RIMS2: variants seen among roughly 807,000 people sequenced by gnomAD.
The protein encoded by RIMS2 is regulating synaptic membrane exocytosis 2.
RIMS2 carries 59 observed loss-of-function variants against 174.4 expected under a neutral mutation model. The ratio of observed to expected loss-of-function variants is 0.34; its 90% CI spans 0.27 to 0.42. The LOEUF is 0.42. Among genes scored for constraint, RIMS2 ranks in the 10% least tolerant of loss-of-function variants. The probability of loss-of-function intolerance (pLI) is 1.00; values close to 1 mark genes in which losing one functional copy is unlikely to be tolerated. For missense variants in RIMS2, 1,620 were observed against 1,666.3 expected (o/e 0.97, Z 0.48); for synonymous variants, 606 against 572.5 (o/e 1.06, Z -0.84).
chr8:103,742,263 C>T (rs1452616167), intron 2 of RIMS2, among the ~76,000 whole-genome samples: 1 of 152,048 alleles, frequency 6.6e-6, no homozygotes, highest in African/African-American at 2.4e-5. Flanking sequence ...ACCAAAACAA[C>T]CTAAATGTGA....
At chr8:103,622,183 G>A (rs1477456849) in intron 1 of RIMS2, among the ~76,000 whole-genome samples, 4 of 152,072 alleles carry the variant, frequency 2.6e-5, no homozygotes, top group Non-Finnish European at 5.9e-5. Context: ...TTTTGCTATA[G>A]TGGATTATAA....
intron 1 of RIMS2, among the ~76,000 whole-genome samples, chr8:103,569,559 T>C (rs1288019009): frequency 2.0e-5 from 3 of 152,174 alleles, no homozygotes; most frequent in Admixed American, 1.3e-4. Context: ...TAGTTTTCAG[T>C]ATACAAATCT....
intron 19 of RIMS2, among the ~76,000 whole-genome samples, chr8:104,070,151 A>G (rs1356808790): frequency 1.3e-5 from 2 of 152,238 alleles, no homozygotes; most frequent in Non-Finnish European, 2.9e-5. Flanking sequence ...AGGTATGTAC[A>G]TATGTACCAG....
At chr8:103,575,279 G>T (rs899188351) in intron 1 of RIMS2, among the ~76,000 whole-genome samples, 32 of 152,168 alleles carry the variant, frequency 2.1e-4, no homozygotes, top group African/African-American at 6.5e-4. Context: ...TTAAAAAAGA[G>T]ACAATAGTAG....
At chr8:103,971,676 A>G (rs1410681961) in intron 15 of RIMS2, among the ~76,000 whole-genome samples, 2 of 151,992 alleles carry the variant, frequency 1.3e-5, no homozygotes, top group African/African-American at 4.8e-5. Context: ...GGTTCAAGCA[A>G]TGCGTCTGCC....
chr8:104,111,234 A>G (rs1157906015), intron 19 of RIMS2, among the ~76,000 whole-genome samples: 1 of 152,216 alleles, frequency 6.6e-6, no homozygotes, highest in Non-Finnish European at 1.5e-5. Context: ...AATAGAGGGA[A>G]TATAAAAATA....
chr8:103,675,894 A>T (rs1426295), intron 1 of RIMS2, among the ~76,000 whole-genome samples: 1 of 152,046 alleles, frequency 6.6e-6, no homozygotes, highest in African/African-American at 2.4e-5. Context: ...TATCAGTCTT[A>T]CAAATACCTG....
chr8:104,199,115 G>A (rs529941145), intron 19 of RIMS2, among the ~76,000 whole-genome samples: 4 of 152,208 alleles, frequency 2.6e-5, no homozygotes, highest in Admixed American at 2.6e-4. Flanking sequence ...AGGCTGGAGT[G>A]CAGTGGCGCC....
intron 19 of RIMS2, among the ~76,000 whole-genome samples, chr8:104,151,593 A>G (rs117472145): frequency 0.05 from 7,538 of 152,124 alleles, 276 homozygotes; most frequent in Non-Finnish European, 0.072. Flanking sequence ...CAGAAAAAAA[A>G]AAAGAGATGT....
chr8:103,739,652 T>G (rs2097735626), intron 2 of RIMS2, among the ~76,000 whole-genome samples: 1 of 152,240 alleles, frequency 6.6e-6, no homozygotes, highest in Non-Finnish European at 1.5e-5. Context: ...TTACTTTACA[T>G]TAGCTTTCTA....
intron 2 of RIMS2, among the ~76,000 whole-genome samples, chr8:103,745,521 T>G (rs2097801049): frequency 6.6e-6 from 1 of 152,206 alleles, no homozygotes; most frequent in Admixed American, 6.5e-5. Flanking sequence ...ATTCTATGTT[T>G]AAGTTTTTGA....
intron 19 of RIMS2, among the ~76,000 whole-genome samples, chr8:104,171,200 G>C (rs935823618): frequency 1.3e-5 from 2 of 152,074 alleles, no homozygotes; most frequent in Non-Finnish European, 2.9e-5. Context: ...GCAAGGCCAA[G>C]GAAGTTTTCC....
chr8:103,913,499 G>A (rs2076125382), intron 6 of RIMS2, among the ~76,000 whole-genome samples: 1 of 152,134 alleles, frequency 6.6e-6, no homozygotes, highest in South Asian at 2.1e-4. Flanking sequence ...TAGAATATAA[G>A]AGATATTAGG....
chr8:104,212,907 G>A (rs1343836066), intron 19 of RIMS2, among the ~76,000 whole-genome samples: 11 of 152,170 alleles, frequency 7.2e-5, no homozygotes, highest in Non-Finnish European at 5.9e-5. Context: ...GTGGGGGTGT[G>A]TTATAGCTCT....
intron 19 of RIMS2, among the ~76,000 whole-genome samples, chr8:104,147,468 G>A (rs1261722788): frequency 1.3e-5 from 2 of 151,930 alleles, no homozygotes; most frequent in Non-Finnish European, 2.9e-5. Flanking sequence ...CTCTAGGATA[G>A]AAAACACTTT....
At chr8:103,596,559 T>C (rs2133531740) in intron 1 of RIMS2, among the ~76,000 whole-genome samples, 1 of 152,220 alleles carries the variant, frequency 6.6e-6, no homozygotes, top group Middle Eastern at 3.4e-3. Flanking sequence ...CTTCTAGCTA[T>C]TTGAAACTAT....
chr8:103,727,330 A>G (rs1393033493), intron 2 of RIMS2, among the ~76,000 whole-genome samples: 1 of 152,208 alleles, frequency 6.6e-6, no homozygotes, highest in East Asian at 1.9e-4. Context: ...TTATGAAACT[A>G]GAATAATCTA....
chr8:103,685,146 G>C (rs1027356092), intron 1 of RIMS2, among the ~76,000 whole-genome samples: 1 of 144,414 alleles, frequency 6.9e-6, no homozygotes, highest in Admixed American at 6.9e-5. Flanking sequence ...ATGTTAGTCT[G>C]TTTTGCATTG....
chr8:104,173,153 T>G (rs1216407458), intron 19 of RIMS2, among the ~76,000 whole-genome samples: 1 of 152,210 alleles, frequency 6.6e-6, no homozygotes, highest in African/African-American at 2.4e-5. Flanking sequence ...GGTCTTTTAT[T>G]TTTTGATCAA....
Sources: allele counts gnomAD v4.1 joint callset (sites outside exome capture counted in the v4.1 genomes callset), GRCh38; gene constraint gnomAD v4.1.1; transcripts MANE v1.5; gene names NCBI Gene and HGNC (gene_info 2026-07-23, HGNC 2026-07-21).